Variants in NUSAP1 observed in about 807,000 individuals in gnomAD.
The protein encoded by NUSAP1 is nucleolar and spindle-associated protein 1.
In NUSAP1, 32 loss-of-function variants were observed where a neutral mutation model predicts 52.8. That is an observed-to-expected ratio of 0.61 (90% CI 0.46 to 0.81). The LOEUF (loss-of-function observed/expected upper bound fraction) is 0.81. Among genes scored for constraint, NUSAP1 ranks in the 40% least tolerant of loss-of-function variants. The probability of loss-of-function intolerance (pLI) is 0.00; values close to 1 mark genes in which losing one functional copy is unlikely to be tolerated. For missense variants in NUSAP1, 499 were observed against 522.3 expected (o/e 0.96, Z 0.43); for synonymous variants, 195 against 183.1 (o/e 1.06, Z -0.52).
chr15:41,360,297 C>T (rs1163458803), intron 6 of NUSAP1, among the ~76,000 whole-genome samples: 1 of 149,556 alleles, frequency 6.7e-6, no homozygotes, highest in Non-Finnish European at 1.5e-5. Context: ...CACCACCACA[C>T]CCGGCTAATT....
At chr15:41,350,948 T>C (rs1296189693) in intron 3 of NUSAP1, 40 bp from the exon 4 acceptor site, 5 of 1,544,984 alleles carry the variant, frequency 3.2e-6, no homozygotes, top group Non-Finnish European at 3.5e-6. Context: ...GCAATTCTTA[T>C]TTATCATCGA....
intron 1 of NUSAP1, among the ~76,000 whole-genome samples, chr15:41,335,354 C>G (rs2048079378): frequency 7.1e-6 from 1 of 140,568 alleles, no homozygotes; most frequent in African/African-American, 2.6e-5. Context: ...ACTAAATACA[C>G]TAAAATAAAC....
At chr15:41,360,246 C>A (rs143735445) in intron 6 of NUSAP1, among the ~76,000 whole-genome samples, 4,771 of 151,992 alleles carry the variant, frequency 0.031, 114 homozygotes, top group Middle Eastern at 0.065. Flanking sequence ...TCAAGTGATT[C>A]TCCCACCTCA....
Position 41,354,670 on chromosome 15 carries a change from G to GATATATATAT in NUSAP1, c.449-1358_449-1349dup, listed in dbSNP as rs10541882. Among the ~76,000 whole-genome samples, 564 of 146,064 alleles carry GATATATATAT rather than the reference G, an allele frequency of 3.9e-3. 4 individuals are homozygous for GATATATATAT. Among genetic ancestry groups the GATATATATAT allele is most frequent in the Middle Eastern group, 0.014 (4 of 276 alleles). ...AAAACTGAAAAAGTTTGTTTTAACC[G>GATATATATAT]ATATATATATATATATATATGTTTA... On this transcript the variant is annotated intron_variant, in intron 4 of 10. Coordinates refer to ENST00000559596, the MANE Select transcript of NUSAP1 (RefSeq NM_016359.5).
chr15:41,376,244 A>G (rs1461929096), intron 9 of NUSAP1, among the ~76,000 whole-genome samples: 2 of 151,538 alleles, frequency 1.3e-5, no homozygotes, highest in Non-Finnish European at 2.9e-5. Context: ...GAAAAAAAAT[A>G]AGAAAATTAG....
rs771729740 is a variant in NUSAP1 at position 41,332,990 on chromosome 15, C to T, written c.33C>T (p.Ser11=). The T allele has an allele frequency of 1.9e-6, 3 of 1,611,840 alleles. No individual in the cohort carries two copies. Among genetic ancestry groups the T allele is most frequent in the East Asian group, 2.2e-5 (1 of 44,830 alleles). The stretch of plus-strand genomic sequence containing the variant: ...TCCCCTCTCTAGAGGAGCTGGACTC[C>T]CTCAAGTACAGTGACCTGCAGAACT... The part of the protein sequence containing the change: MIIPSLEELD[S]LKYSDLQNLA... Residue 11 remains serine, a synonymous_variant, in exon 1 of 11, where the codon TCC becomes TCT. Coordinates refer to ENST00000559596, the MANE Select transcript of NUSAP1 (RefSeq NM_016359.5).
chr15:41,377,875 C>T (rs550846956), intron 10 of NUSAP1, among the ~76,000 whole-genome samples: 1 of 151,532 alleles, frequency 6.6e-6, no homozygotes, highest in African/African-American at 2.4e-5. Flanking sequence ...GTGGCGGGCG[C>T]CTGTAGTCCC....
At chr15:41,373,109 G>A (rs1433758663) in intron 8 of NUSAP1, among the ~76,000 whole-genome samples, 2 of 151,616 alleles carry the variant, frequency 1.3e-5, no homozygotes, top group African/African-American at 4.8e-5. Flanking sequence ...AAAGAGATTG[G>A]GAGAGAAAGG....
Position 41,342,373 on chromosome 15 carries a change from G to A in NUSAP1, c.94-13G>A. 2.6e-6 allele frequency: 4 copies of A among 1,556,948 alleles called. No homozygotes were observed. The highest frequency in any genetic ancestry group is 3.5e-6 in the Non-Finnish European group (4 of 1,142,032). ...TTTGACTTTTGGCTCTAATAATAAG[G>A]TCTCTCTTGCAGGCAACCAAGTTGT... is the stretch of plus-strand genomic sequence containing the variant. On this transcript the variant is annotated splice_polypyrimidine_tract_variant and intron_variant, in intron 1 of 10. Transcript: ENST00000559596.
chr15:41,342,780 A>G (rs1254370977), intron 2 of NUSAP1, among the ~76,000 whole-genome samples: 1 of 152,152 alleles, frequency 6.6e-6, no homozygotes, highest in Non-Finnish European at 1.5e-5. Context: ...TGGAGGTTGC[A>G]GTGAGCCAGG....
chr15:41,365,348 G>A, intron 6 of NUSAP1, 54 bp from the exon 7 acceptor site: 1 of 1,429,450 alleles, frequency 7.0e-7, no homozygotes, highest in Non-Finnish European at 9.5e-7. Flanking sequence ...GTAGAGATGG[G>A]GTTTCACCAT....
chr15:41,370,749 C>CA (rs60034914), intron 7 of NUSAP1, among the ~76,000 whole-genome samples: 4,063 of 70,350 alleles, frequency 0.058, 92 homozygotes, highest in Non-Finnish European at 0.081. Context: ...AACTCCATCT[C>CA]AAAAAAAAAA....
chr15:41,359,116 AT>A (rs2049078180), intron 6 of NUSAP1, among the ~76,000 whole-genome samples: 1 of 152,188 alleles, frequency 6.6e-6, no homozygotes, highest in African/African-American at 2.4e-5. Context: ...CAGGAAACAC[AT>A]TTTTAAATAT....
chr15:41,352,717 C>T (rs746629589), intron 4 of NUSAP1, among the ~76,000 whole-genome samples: 15 of 151,890 alleles, frequency 9.9e-5, no homozygotes, highest in East Asian at 9.6e-4. Flanking sequence ...CCACCACGCC[C>T]GGCTAATTTT....
chr15:41,349,668 C>T (rs1056438262), intron 3 of NUSAP1, among the ~76,000 whole-genome samples: 1 of 152,210 alleles, frequency 6.6e-6, no homozygotes, highest in East Asian at 1.9e-4. Context: ...GGGCTTCCCT[C>T]GCTTGCTTTC....
intron 4 of NUSAP1, among the ~76,000 whole-genome samples, chr15:41,355,662 T>TTTTTTGTTTTTG (rs560684365): frequency 1.3e-5 from 2 of 151,856 alleles, no homozygotes; most frequent in Non-Finnish European, 2.9e-5. Context: ...ACACGTTTTT[T>TTTTTTGTTTTTG]TTTTTGTTTT....
chr15:41,362,861 T>C (rs1179545970), intron 6 of NUSAP1, among the ~76,000 whole-genome samples: 1 of 152,184 alleles, frequency 6.6e-6, no homozygotes, highest in African/African-American at 2.4e-5. Context: ...TGACTTCAGC[T>C]ACTCAGGAGG....
Position 41,380,175 on chromosome 15 carries a change from G to A in NUSAP1, c.1315G>A (p.Ala439Thr), listed in dbSNP as rs371395605. The A allele has an allele frequency of 2.5e-6, 4 of 1,571,448 alleles. No individual in the cohort carries two copies. The highest frequency in any genetic ancestry group is 2.3e-5 in the East Asian group (1 of 42,920). The stretch of plus-strand genomic sequence containing the variant: ...GGGAATGCGAAGGGGCCTCATTTTG[G>A]CTGAAGATTAATAATTTTTTAACAT... ...VLGMRRGLILAED is the reference protein window; with the variant it reads ...VLGMRRGLILTED The change falls in exon 11 of 11, where the codon GCT (alanine) becomes ACT (threonine). Residue 439 changes from alanine to threonine, a missense_variant. Transcript: ENST00000559596.
At chr15:41,335,916 A>T (rs1483721021) in intron 1 of NUSAP1, among the ~76,000 whole-genome samples, 1 of 150,144 alleles carries the variant, frequency 6.7e-6, no homozygotes, top group Non-Finnish European at 1.5e-5. Context: ...TTAAATTGTA[A>T]TGTTTTATTT....
Sources: allele counts gnomAD v4.1 joint callset (sites outside exome capture counted in the v4.1 genomes callset), GRCh38; gene constraint gnomAD v4.1.1; transcripts MANE v1.5; gene names NCBI Gene and HGNC (gene_info 2026-07-23, HGNC 2026-07-21).